The following SLIT3 variants were observed in gnomAD, a reference collection of about 807,000 sequenced individuals.
The protein encoded by SLIT3 is slit homolog 3 protein.
SLIT3 carries 68 observed loss-of-function variants against 184.0 expected under a neutral mutation model. That is an observed-to-expected ratio of 0.37 (90% CI 0.30 to 0.45). The LOEUF is 0.45. SLIT3 is among the 20% of genes least tolerant of loss of function. The probability of loss-of-function intolerance (pLI) is 1.00; values close to 1 mark genes in which losing one functional copy is unlikely to be tolerated. For synonymous variants in SLIT3, 831 were observed against 828.6 expected (o/e 1.00, Z -0.05); for missense variants, 1,707 against 2,026.0 (o/e 0.84, Z 3.02).
intron 21 of SLIT3, among the ~76,000 whole-genome samples, chr5:168,724,201 G>T (rs1464837666): frequency 6.6e-6 from 1 of 152,134 alleles, no homozygotes; most frequent in Non-Finnish European, 1.5e-5. Flanking sequence ...GCTTTTCAGA[G>T]AAGGTCTCCT....
intron 4 of SLIT3, among the ~76,000 whole-genome samples, chr5:169,137,305 T>TACACACACACAC (rs747552567): frequency 5.9e-5 from 8 of 136,004 alleles, no homozygotes; most frequent in African/African-American, 1.7e-4. Flanking sequence ...TCTATCTACA[T>TACACACACACAC]ACACACACAC....
intron 4 of SLIT3, among the ~76,000 whole-genome samples, chr5:168,970,824 T>C (rs1227574382): frequency 1.3e-5 from 2 of 152,210 alleles, no homozygotes; most frequent in African/African-American, 4.8e-5. Context: ...GGGTATGTAA[T>C]ATCTTTGGAC....
intron 4 of SLIT3, among the ~76,000 whole-genome samples, chr5:168,951,370 A>G (rs1198275479): frequency 1.3e-5 from 2 of 152,206 alleles, no homozygotes; most frequent in African/African-American, 4.8e-5. Flanking sequence ...TCAGGAGATA[A>G]CAGTCACAAG....
chr5:168,877,622 A>G (rs1759782361), intron 5 of SLIT3, among the ~76,000 whole-genome samples: 1 of 152,164 alleles, frequency 6.6e-6, no homozygotes, highest in Admixed American at 6.5e-5. Context: ...GACAGCCCTC[A>G]TTAATCTCAG....
chr5:168,865,395 C>T (rs1759262568), intron 5 of SLIT3, among the ~76,000 whole-genome samples: 1 of 152,158 alleles, frequency 6.6e-6, no homozygotes, highest in Admixed American at 6.5e-5. Context: ...CTCTGGAATA[C>T]TACTCAGTAG....
intron 4 of SLIT3, among the ~76,000 whole-genome samples, chr5:169,145,345 G>A (rs1175913788): frequency 6.6e-6 from 1 of 152,144 alleles, no homozygotes; most frequent in East Asian, 1.9e-4. Flanking sequence ...CTTTCCGGTA[G>A]AGACATTGCA....
chr5:168,988,452 G>A (rs920241640), intron 4 of SLIT3, among the ~76,000 whole-genome samples: 21 of 152,140 alleles, frequency 1.4e-4, no homozygotes, highest in African/African-American at 4.6e-4. Flanking sequence ...GGCTGGGCTG[G>A]CAGGGAAGGA....
chr5:168,705,324 T>C (rs1762343592), intron 26 of SLIT3, among the ~76,000 whole-genome samples: 1 of 152,210 alleles, frequency 6.6e-6, no homozygotes. Flanking sequence ...AACTGTATTC[T>C]AGGGCTCTGA....
At chr5:168,675,945 A>G (rs1379244699) in intron 32 of SLIT3, among the ~76,000 whole-genome samples, 4 of 151,928 alleles carry the variant, frequency 2.6e-5, no homozygotes. Flanking sequence ...TCAACCATCT[A>G]TACTTCCTTT....
chr5:168,933,131 G>A lies in SLIT3; in HGVS notation c.414-49795C>T, dbSNP rs1449409107. ...GCAAGGCAGAGATGTGCAGGGGGGT[G>A]GTGAAATAAGGAAATGGGGCTGAGG... On this transcript the variant is annotated intron_variant, in intron 4 of 35. Transcript: ENST00000519560. Among the ~76,000 whole-genome samples the A allele has an allele frequency of 2.0e-5, 3 of 152,226 alleles. No homozygotes were observed. The East Asian group carries it at 5.8e-4, about 29-fold the overall frequency.
chr5:169,280,631 G>C (rs1335721017), intron 1 of SLIT3, among the ~76,000 whole-genome samples: 2 of 152,138 alleles, frequency 1.3e-5, no homozygotes, highest in African/African-American at 4.8e-5. Context: ...GAGCAAAAGG[G>C]ACACTGAGAT....
At chr5:169,279,911 G>A (rs1055697212) in intron 1 of SLIT3, among the ~76,000 whole-genome samples, 4 of 152,224 alleles carry the variant, frequency 2.6e-5, no homozygotes, top group Non-Finnish European at 4.4e-5. Context: ...CTAAAACTGT[G>A]CCTGGCACAT....
intron 4 of SLIT3, among the ~76,000 whole-genome samples, chr5:168,919,110 A>G (rs1007723686): frequency 6.6e-6 from 1 of 152,040 alleles, no homozygotes; most frequent in Non-Finnish European, 1.5e-5. Flanking sequence ...AGTACAAAAA[A>G]CTAGCCAAGC....
intron 3 of SLIT3, among the ~76,000 whole-genome samples, chr5:169,219,429 C>A (rs1289595312): frequency 6.6e-6 from 1 of 152,236 alleles, no homozygotes; most frequent in Admixed American, 6.5e-5. Flanking sequence ...ACTGAAGTTA[C>A]GTGTCATACA....
At chr5:169,178,020 A>T (rs1418262935) in intron 4 of SLIT3, among the ~76,000 whole-genome samples, 1 of 152,216 alleles carries the variant, frequency 6.6e-6, no homozygotes. Flanking sequence ...TCATGACAGC[A>T]ACCACGTGGA....
intron 4 of SLIT3, among the ~76,000 whole-genome samples, chr5:169,125,190 G>A (rs76127131): frequency 0.029 from 4,481 of 152,160 alleles, 104 homozygotes; most frequent in African/African-American, 0.051. Flanking sequence ...TTGGATTACT[G>A]GCACACGCCA....
intron 4 of SLIT3, among the ~76,000 whole-genome samples, chr5:168,922,989 C>T (rs576459215): frequency 1.4e-4 from 22 of 152,180 alleles, no homozygotes; most frequent in Admixed American, 4.6e-4. Context: ...TGAGTAGATA[C>T]GGAAAGTGAG....
chr5:168,961,744 G>A (rs772850450), intron 4 of SLIT3, among the ~76,000 whole-genome samples: 1 of 152,106 alleles, frequency 6.6e-6, no homozygotes, highest in African/African-American at 2.4e-5. Flanking sequence ...GGTAAGAGGA[G>A]TCTGGAAAAG....
At chr5:169,032,017 A>C (rs1251959574) in intron 4 of SLIT3, among the ~76,000 whole-genome samples, 2 of 152,174 alleles carry the variant, frequency 1.3e-5, no homozygotes, top group African/African-American at 2.4e-5. Context: ...ATGTGGTTCC[A>C]ATCCTGCACC....
Sources: allele counts gnomAD v4.1 joint callset (sites outside exome capture counted in the v4.1 genomes callset), GRCh38; gene constraint gnomAD v4.1.1; transcripts MANE v1.5; gene names NCBI Gene and HGNC (gene_info 2026-07-23, HGNC 2026-07-21).